Variants in PRKG1 observed in about 807,000 individuals in gnomAD.
PRKG1 encodes the protein cGMP-dependent protein kinase 1.
A neutral mutation model predicts 88.1 loss-of-function variants in PRKG1; 35 were observed. The ratio of observed to expected loss-of-function variants is 0.40; its 90% CI spans 0.30 to 0.53. The LOEUF is 0.53. Among genes scored for constraint, PRKG1 ranks in the 20% least tolerant of loss-of-function variants. The pLI is 0.59. For missense variants in PRKG1, 540 were observed against 839.8 expected (o/e 0.64, Z 4.41); for synonymous variants, 303 against 292.5 (o/e 1.04, Z -0.37).
intron 3 of PRKG1, among the ~76,000 whole-genome samples, chr10:51,532,494 A>G (rs570376575): frequency 3.3e-5 from 5 of 152,284 alleles, no homozygotes; most frequent in Admixed American, 6.5e-5. Context: ...ATCATTTTAC[A>G]TTATTTTAAT....
intron 2 of PRKG1, among the ~76,000 whole-genome samples, chr10:51,420,012 A>G (rs1349517908): frequency 6.6e-6 from 1 of 152,138 alleles, no homozygotes; most frequent in Non-Finnish European, 1.5e-5. Context: ...AGAAAATGAA[A>G]GGCTCCTCTT....
Position 51,019,392 on chromosome 10 carries a change from G to T in PRKG1, c.266+27748G>T, listed in dbSNP as rs554030136. Among the ~76,000 whole-genome samples the T allele has an allele frequency of 3.7e-4, 56 of 152,154 alleles. 1 individual carries two copies. Among genetic ancestry groups the T allele is most frequent in the Admixed American group, 1.8e-3 (28 of 15,288 alleles). ...CAAGGCTACCAAGACCATTCAATGG[G>T]GAAAGGACAATCTTTTCAAACAAAT... On this transcript the variant is annotated intron_variant, in intron 1 of 17. Transcript: ENST00000401604.
chr10:51,234,329 G>A (rs977032112), intron 2 of PRKG1, among the ~76,000 whole-genome samples: 1 of 152,110 alleles, frequency 6.6e-6, no homozygotes, highest in Non-Finnish European at 1.5e-5. Context: ...GCTTTGTGAT[G>A]AGCTAGTCTT....
In PRKG1 at chr10:52,263,717, G is replaced by A. The variant is rs531017824; in HGVS notation, c.1174-7633G>A. Among the ~76,000 whole-genome samples, 108 of 151,840 alleles carry A rather than the reference G, an allele frequency of 7.1e-4. 1 individual carries two copies. Among genetic ancestry groups the A allele is most frequent in the Non-Finnish European group, 1.1e-3 (75 of 67,922 alleles). On this transcript the variant is annotated intron_variant, in intron 10 of 17. Transcript: ENST00000373980. ...ATCCTCCCAAGTAGCTGGGACTAGA[G>A]GCATCCACCACCATGCCCGACTAAT... is the stretch of plus-strand genomic sequence containing the variant.
chr10:51,092,853 A>G (rs1217321048), intron 1 of PRKG1, among the ~76,000 whole-genome samples: 1 of 152,204 alleles, frequency 6.6e-6, no homozygotes, highest in Non-Finnish European at 1.5e-5. Flanking sequence ...TATTTAAATA[A>G]GTAATAGTGA....
chr10:51,934,256 C>CA (rs200883465), intron 5 of PRKG1, among the ~76,000 whole-genome samples: 5 of 145,356 alleles, frequency 3.4e-5, no homozygotes, highest in South Asian at 2.2e-4. Context: ...ACACACATAC[C>CA]CCCCCCCCAA....
intron 5 of PRKG1, among the ~76,000 whole-genome samples, chr10:51,942,444 C>A (rs1017143743): frequency 2.0e-5 from 3 of 150,680 alleles, no homozygotes; most frequent in African/African-American, 4.9e-5. Flanking sequence ...TGTGCAGAAG[C>A]TCTTTAGTTT....
chr10:51,051,641 C>A (rs117956732), intron 1 of PRKG1, among the ~76,000 whole-genome samples: 1,745 of 152,222 alleles, frequency 0.011, 15 homozygotes, highest in Non-Finnish European at 0.018. Flanking sequence ...CTATAACTGG[C>A]CTTTACTTAA....
chr10:51,413,335 A>T (rs1431066012), intron 2 of PRKG1, among the ~76,000 whole-genome samples: 7 of 137,480 alleles, frequency 5.1e-5, no homozygotes, highest in Admixed American at 8.1e-5. Context: ...ACCTTCTCTT[A>T]AAAAAAATGT....
chr10:52,187,317 A>T (rs1320589213), intron 9 of PRKG1, among the ~76,000 whole-genome samples: 1 of 152,164 alleles, frequency 6.6e-6, no homozygotes, highest in Non-Finnish European at 1.5e-5. Flanking sequence ...GTATAATACA[A>T]TGAATTTTCT....
At chr10:51,787,362 C>G (rs1564646645) in intron 3 of PRKG1, among the ~76,000 whole-genome samples, 1 of 152,072 alleles carries the variant, frequency 6.6e-6, no homozygotes, top group Non-Finnish European at 1.5e-5. Flanking sequence ...GTATTGAGGA[C>G]CCCTTCATGG....
chr10:51,721,280 G>C (rs1564620878), intron 3 of PRKG1, among the ~76,000 whole-genome samples: 1 of 151,162 alleles, frequency 6.6e-6, no homozygotes, highest in Non-Finnish European at 1.5e-5. Flanking sequence ...CAATAAATGA[G>C]TACCTAGCAC....
At chr10:52,172,291 T>C (rs1011071113) in intron 9 of PRKG1, among the ~76,000 whole-genome samples, 1 of 152,198 alleles carries the variant, frequency 6.6e-6, no homozygotes, top group Non-Finnish European at 1.5e-5. Context: ...ACTTGCTTGG[T>C]GAAAACAGAC....
intron 4 of PRKG1, among the ~76,000 whole-genome samples, chr10:51,875,757 G>A (rs1425745004): frequency 3.3e-5 from 5 of 152,168 alleles, no homozygotes; most frequent in African/African-American, 9.7e-5. Flanking sequence ...ATATGTGCAA[G>A]GATATCATGT....
chr10:52,203,748 C>T (rs1839737389), intron 9 of PRKG1, among the ~76,000 whole-genome samples: 8 of 152,160 alleles, frequency 5.3e-5, no homozygotes, highest in Admixed American at 4.6e-4. Context: ...TTGAATTGAA[C>T]ATTTTACCAT....
intron 10 of PRKG1, among the ~76,000 whole-genome samples, chr10:52,268,550 A>G (rs1184726546): frequency 6.6e-6 from 1 of 152,042 alleles, no homozygotes; most frequent in African/African-American, 2.4e-5. Flanking sequence ...GGTAATAGAA[A>G]TATTGTTCAG....
At chr10:51,240,722 C>T (rs997435611) in intron 2 of PRKG1, among the ~76,000 whole-genome samples, 3 of 152,106 alleles carry the variant, frequency 2.0e-5, no homozygotes, top group Admixed American at 2.0e-4. Context: ...GAGGGGCCTC[C>T]TCTGTGTAGC....
chr10:51,738,523 A>G (rs868191285), intron 3 of PRKG1, among the ~76,000 whole-genome samples: 41 of 152,366 alleles, frequency 2.7e-4, no homozygotes, highest in African/African-American at 9.6e-4. Context: ...AATTCTAAAC[A>G]TTCAAAAAAT....
intron 8 of PRKG1, among the ~76,000 whole-genome samples, chr10:52,135,971 T>C (rs1837403828): frequency 6.6e-6 from 1 of 151,886 alleles, no homozygotes. Flanking sequence ...AATAATGAGA[T>C]GTTAGAAAGC....
Sources: allele counts gnomAD v4.1 joint callset (sites outside exome capture counted in the v4.1 genomes callset), GRCh38; gene constraint gnomAD v4.1.1; transcripts MANE v1.5; gene names NCBI Gene and HGNC (gene_info 2026-07-23, HGNC 2026-07-21).